The following MYCBP2 variants were observed in gnomAD, a reference collection of about 807,000 sequenced individuals.
The protein encoded by MYCBP2 is MYC binding protein 2, also known as E3 ubiquitin-protein ligase MYCBP2.
A neutral mutation model predicts 525.3 loss-of-function variants in MYCBP2; 120 were observed. That is an observed-to-expected ratio of 0.23 (90% confidence interval 0.20 to 0.27). The LOEUF is 0.27. Among genes scored for constraint, MYCBP2 ranks in the 10% least tolerant of loss-of-function variants. The probability of loss-of-function intolerance (pLI) is 1.00; values close to 1 mark genes in which losing one functional copy is unlikely to be tolerated. For missense variants in MYCBP2, 4,149 were observed against 5,657.1 expected, an observed-to-expected ratio of 0.73 and a Z score of 8.55; for synonymous variants, 1,894 against 1,955.8, an observed-to-expected ratio of 0.97 and a Z score of 0.83.
At chr13:77,116,769 T>C (rs1331952332) in intron 55 of MYCBP2, among the ~76,000 whole-genome samples, 1 of 152,050 alleles carries the variant, frequency 6.6e-6, no homozygotes, top group Non-Finnish European at 1.5e-5. Context: ...GAAACTGTTA[T>C]TCCCTGGAAG....
At chr13:77,297,143 A>G (rs2078276732) in intron 1 of MYCBP2, among the ~76,000 whole-genome samples, 1 of 152,244 alleles carries the variant, frequency 6.6e-6, no homozygotes. Context: ...GCCAGTCTGG[A>G]TACTTCATTA....
intron 47 of MYCBP2, among the ~76,000 whole-genome samples, chr13:77,147,062 C>T (rs1036020192): frequency 2.6e-5 from 4 of 152,124 alleles, no homozygotes; most frequent in African/African-American, 9.7e-5. Flanking sequence ...CCTATAGCTA[C>T]ACGGCTGAAC....
chr13:77,205,192 T>C (rs2063186828), intron 26 of MYCBP2, 64 bp downstream of exon 26: 4 of 1,343,252 alleles, frequency 3.0e-6, no homozygotes, highest in Non-Finnish European at 2.9e-6. Context: ...AATAATAAAA[T>C]AATAAATTAA....
intron 14 of MYCBP2, among the ~76,000 whole-genome samples, chr13:77,256,848 G>C (rs1306927236): frequency 1.3e-5 from 2 of 151,954 alleles, no homozygotes; most frequent in African/African-American, 2.4e-5. Flanking sequence ...ACTGAAACTA[G>C]AACTCAATAT....
chr13:77,316,147 T>C (rs531058641), intron 1 of MYCBP2, among the ~76,000 whole-genome samples: 1 of 152,106 alleles, frequency 6.6e-6, no homozygotes, highest in East Asian at 1.9e-4. Flanking sequence ...AGAAAGACAA[T>C]ATGATTATTT....
At chr13:77,272,348 T>C (rs2075009611) in intron 5 of MYCBP2, 1 of 152,238 alleles carries the variant, frequency 6.6e-6, no homozygotes. Flanking sequence ...AGGCTTTCCA[T>C]GAACGTAGTT....
At position 77,189,047 on chromosome 13, in the gene MYCBP2, T is replaced by A; in HGVS notation, c.4155A>T (p.Arg1385Ser). 1 of 1,604,650 alleles carries A rather than the reference T, an allele frequency of 6.2e-7. No individual in the cohort carries two copies. The highest frequency in any genetic ancestry group is 8.5e-7 in the Non-Finnish European group (1 of 1,175,318). ...AAGCACTGCCATCACTGGTTGGAAG[T>A]CTAAAGGCAGTAGACACATATAAAA... ...NAGQIPQLLYRLPTSDGSASK... is the reference protein window; with the variant it reads ...NAGQIPQLLYSLPTSDGSASK... The change falls in exon 30 of 83, where the codon AGA becomes AGT. Residue 1385 changes from arginine (R) to serine (S), a missense_variant and splice_region_variant. Physicochemically the swap from Arg to Ser is moderately radical, Grantham distance 110 (BLOSUM62 -1). Around this residue, in one of 21 missense-constraint regions of MYCBP2, gnomAD observed 292 missense variants for 330.5 expected, o/e 0.88. Transcript: ENST00000544440.
At position 77,203,352 on chromosome 13, in the gene MYCBP2, C is replaced by G. The variant is rs893986117; in HGVS notation, c.3843+1904G>C. ...CCAACTTACAAGGGATGGGAAGGAC[C>G]TCTTCAAGGAGAACTACAAACCACT... On this transcript the variant is annotated intron_variant, in intron 26 of 82. Coordinates refer to ENST00000544440, the MANE Select transcript of MYCBP2 (RefSeq NM_015057.5). Among the ~76,000 whole-genome samples the G allele has an allele frequency of 4.7e-3, 712 of 152,134 alleles. 3 individuals are homozygous for G. Among genetic ancestry groups the G allele is most frequent in the African/African-American group, 0.015 (623 of 41,494 alleles).
chr13:77,211,116 A>G, intron 23 of MYCBP2, 51 bp downstream of exon 23: 1 of 1,327,240 alleles, frequency 7.5e-7, no homozygotes, highest in Admixed American at 2.7e-5. Context: ...TTACCATAAG[A>G]GTATAACTGC....
At chr13:77,264,574 G>A (rs936639865) in intron 8 of MYCBP2, among the ~76,000 whole-genome samples, 1 of 152,100 alleles carries the variant, frequency 6.6e-6, no homozygotes, top group Non-Finnish European at 1.5e-5. Context: ...TGTCCAACAA[G>A]AGCAGACAAA....
chr13:77,053,881 G>A (rs1681241867), intron 80 of MYCBP2, among the ~76,000 whole-genome samples: 2 of 152,042 alleles, frequency 1.3e-5, no homozygotes, highest in Non-Finnish European at 2.9e-5. Context: ...TATCTAGTAA[G>A]TGCAAAGTAC....
chr13:77,199,195 G>A (rs1040459175), intron 26 of MYCBP2, among the ~76,000 whole-genome samples: 14 of 152,202 alleles, frequency 9.2e-5, no homozygotes, highest in Non-Finnish European at 1.5e-4. Flanking sequence ...CACCATGCGC[G>A]AGCTGAAGCA....
rs149836734 is a variant in MYCBP2 at position 77,303,718 on chromosome 13, G to A, written c.303-7044C>T. Among the ~76,000 whole-genome samples, 9 of 151,616 alleles carry A rather than the reference G, an allele frequency of 5.9e-5. No homozygotes were observed. The East Asian group carries it at 1.4e-3, about 23-fold the overall frequency. On this transcript the variant is annotated intron_variant, in intron 1 of 82. Coordinates refer to ENST00000544440, the MANE Select transcript of MYCBP2 (RefSeq NM_015057.5). ...ACAAAATCGGTAGAATGCTGCTAAC[G>A]CAGTACTTCCACAAAATGCATCTCC...
At chr13:77,229,638 C>T (rs990580665) in intron 18 of MYCBP2, among the ~76,000 whole-genome samples, 2 of 152,096 alleles carry the variant, frequency 1.3e-5, no homozygotes, top group African/African-American at 4.8e-5. Context: ...AAAGACTACA[C>T]ACATATATTT....
intron 55 of MYCBP2, 116 bp from the exon 56 acceptor site, chr13:77,099,129 C>T: frequency 7.7e-7 from 1 of 1,304,780 alleles, no homozygotes; most frequent in Non-Finnish European, 1.1e-6. Context: ...GTTTGTCATA[C>T]ATACTAAAAT....
intron 1 of MYCBP2, among the ~76,000 whole-genome samples, chr13:77,316,432 A>G (rs1567240085): frequency 6.6e-6 from 1 of 152,230 alleles, no homozygotes; most frequent in Non-Finnish European, 1.5e-5. Flanking sequence ...ACTAGGGAAG[A>G]GTCTGTAGCC....
intron 14 of MYCBP2, among the ~76,000 whole-genome samples, chr13:77,253,985 A>C (rs974378088): frequency 6.6e-6 from 1 of 152,074 alleles, no homozygotes; most frequent in East Asian, 1.9e-4. Context: ...ATTGGAAATA[A>C]GCCCATCCAT....
At chr13:77,160,350 G>A (rs2057758728) in intron 44 of MYCBP2, among the ~76,000 whole-genome samples, 1 of 152,184 alleles carries the variant, frequency 6.6e-6, no homozygotes, top group Admixed American at 6.5e-5. Context: ...TTTGTAAATG[G>A]AGATAAAACT....
At chr13:77,197,557 T>C (rs914829836) in intron 26 of MYCBP2, among the ~76,000 whole-genome samples, 2 of 152,134 alleles carry the variant, frequency 1.3e-5, no homozygotes, top group African/African-American at 4.8e-5. Context: ...ATTTGGGGAT[T>C]ATGGTATGCT....
Sources: gnomAD v4.1 joint callset for allele counts (sites outside exome capture counted in the v4.1 genomes callset) on GRCh38, gnomAD v4.1.1 for gene constraint, gnomAD v4.1.1 regional missense constraint, MANE v1.5 for transcripts, NCBI Gene and HGNC (gene_info 2026-07-23, HGNC 2026-07-21) for gene names.